The following ZFP91 variants were observed in gnomAD, a reference collection of about 807,000 sequenced individuals.
ZFP91 encodes E3 ubiquitin-protein ligase ZFP91.
ZFP91 carries 7 observed loss-of-function variants against 63.5 expected under a neutral mutation model. That is an observed-to-expected ratio of 0.11 (90% CI 0.06 to 0.21). The LOEUF is 0.21. ZFP91 is among the 10% of genes least tolerant of loss of function. ZFP91 has a pLI of 1.00. For missense variants in ZFP91, 628 were observed against 736.6 expected (o/e 0.85, Z 1.71); for synonymous variants, 330 against 272.1 (o/e 1.21, Z -2.10).
intron 1 of ZFP91, among the ~76,000 whole-genome samples, chr11:58,584,528 C>T (rs1196461567): frequency 1.3e-5 from 2 of 152,048 alleles, no homozygotes; most frequent in African/African-American, 4.8e-5. Flanking sequence ...TTCTTTGTAT[C>T]AATATCTTAG....
intron 2 of ZFP91, among the ~76,000 whole-genome samples, chr11:58,597,299 T>C (rs540474904): frequency 6.6e-6 from 1 of 152,298 alleles, no homozygotes; most frequent in Admixed American, 6.5e-5. Flanking sequence ...TAGCCTATCC[T>C]TTCCTGCTTT....
intron 2 of ZFP91, among the ~76,000 whole-genome samples, chr11:58,587,239 A>G (rs1855226675): frequency 6.6e-6 from 1 of 152,186 alleles, no homozygotes; most frequent in South Asian, 2.1e-4. Flanking sequence ...CTATGCTAAA[A>G]TAGTGTTAAT....
intron 2 of ZFP91, among the ~76,000 whole-genome samples, chr11:58,595,117 A>G (rs1855374780): frequency 6.6e-6 from 1 of 152,176 alleles, no homozygotes; most frequent in African/African-American, 2.4e-5. Flanking sequence ...CAGTTCCCTC[A>G]GCAGCTTTTA....
chr11:58,594,824 T>A (rs1855369606), intron 2 of ZFP91, among the ~76,000 whole-genome samples: 1 of 152,260 alleles, frequency 6.6e-6, no homozygotes, highest in Non-Finnish European at 1.5e-5. Context: ...TCATTTATTT[T>A]CCGGTTTTTA....
intron 1 of ZFP91, among the ~76,000 whole-genome samples, chr11:58,581,133 T>TG (rs911300269): frequency 6.6e-6 from 1 of 152,200 alleles, no homozygotes; most frequent in Middle Eastern, 3.2e-3. Context: ...AAGTACAAGT[T>TG]GCGTTTTTCA....
chr11:58,593,812 A>T (rs1855349561), intron 2 of ZFP91, among the ~76,000 whole-genome samples: 1 of 152,184 alleles, frequency 6.6e-6, no homozygotes, highest in South Asian at 2.1e-4. Flanking sequence ...CTTTGTTTTC[A>T]TCATCAGTCC....
Position 58,579,349 on chromosome 11 carries a change from A to C in ZFP91, c.68A>C (p.Lys23Thr). Residue 23 changes from lysine (K) to threonine (T), a missense_variant, in exon 1 of 11, where the codon AAG (lysine) becomes ACG (threonine). Around this residue, in one of 3 missense-constraint regions of ZFP91, gnomAD observed 437 missense variants for 380.3 expected, o/e 1.15. Coordinates refer to ENST00000316059, the MANE Select transcript of ZFP91 (RefSeq NM_053023.5). ...QQDQEGGEAAKAAPEEPQQRP... is the reference protein window; with the variant it reads ...QQDQEGGEAATAAPEEPQQRP... ...GACCAGGAAGGGGGAGAGGCGGCCA[A>C]GGCGGCTCCGGAGGAGCCCCAACAA... 1.3e-6 allele frequency: 2 copies of C among 1,494,608 alleles called. No homozygotes were observed. The highest frequency in any genetic ancestry group is 1.8e-6 in the Non-Finnish European group (2 of 1,126,652). The allele number at this position is 1,494,608 out of a possible 1,614,324, so 92.6% of individuals were successfully genotyped here. A position where few individuals can be genotyped will look rare whatever the true frequency, so the allele number is the denominator to read the frequency against.
chr11:58,612,454 T>A, intron 7 of ZFP91, 126 bp downstream of exon 7: 1 of 871,880 alleles, frequency 1.1e-6, no homozygotes, highest in South Asian at 1.7e-5. Context: ...GCAACTTCAC[T>A]AATGTCCTAG....
intron 5 of ZFP91, 53 bp from the exon 6 acceptor site, chr11:58,611,551 G>C: frequency 1.3e-6 from 2 of 1,576,730 alleles, no homozygotes; most frequent in Non-Finnish European, 1.7e-6. Context: ...TGTTGTCATA[G>C]TCTTCCTTGA....
chr11:58,595,572 C>CT lies in ZFP91; in HGVS notation c.370+10705dup, dbSNP rs34767843. Among the ~76,000 whole-genome samples, 406 of 136,766 alleles carry CT rather than the reference C, an allele frequency of 3.0e-3. 4 individuals carry two copies. The East Asian group carries it at 0.032, about 11-fold the overall frequency. The allele number at this position is 136,766 out of a possible 152,430, so 89.7% of individuals were successfully genotyped here. A position where few individuals can be genotyped will look rare whatever the true frequency, so the allele number is the denominator to read the frequency against. On this transcript the variant is annotated intron_variant, in intron 2 of 10. Coordinates refer to ENST00000316059, the MANE Select transcript of ZFP91 (RefSeq NM_053023.5). The stretch of plus-strand genomic sequence containing the variant: ...AAACATTCCTGCCAGTAGTATCAAT[C>CT]TTTTTTTTTTTTTTTTTGGTTTTGA...
intron 2 of ZFP91, among the ~76,000 whole-genome samples, chr11:58,607,970 G>T (rs539590812): frequency 6.6e-6 from 1 of 151,750 alleles, no homozygotes; most frequent in Non-Finnish European, 1.5e-5. Flanking sequence ...ATACTTAAAG[G>T]TGAAATTACT....
At chr11:58,595,811 A>G (rs1217679257) in intron 2 of ZFP91, among the ~76,000 whole-genome samples, 1 of 152,090 alleles carries the variant, frequency 6.6e-6, no homozygotes, top group African/African-American at 2.4e-5. Flanking sequence ...TCCTGACCTC[A>G]AGTGACCTAC....
rs1855774805 is a variant in ZFP91, at chr11:58,617,779, C to T, written c.*73C>T. ...AAGTTAAAAAGGACAAAAAAAAAAT[C>T]TAAAGCATTTAAAATCTAGTGAAAT... is the stretch of plus-strand genomic sequence containing the variant. On this transcript the variant is annotated 3_prime_UTR_variant, in exon 11 of 11. Transcript: ENST00000316059. The surrounding 1 kb of genome is among the most constrained non-coding windows in gnomAD (Gnocchi z 4.2). 1.4e-6 allele frequency: 2 copies of T among 1,437,636 alleles called. No homozygotes were observed. The highest frequency in any genetic ancestry group is 1.8e-6 in the Non-Finnish European group (2 of 1,100,644). 89.1% of individuals were successfully genotyped at this position (1,437,636 alleles called of 1,614,324 possible). A position where few individuals can be genotyped will look rare whatever the true frequency, so the allele number is the denominator to read the frequency against.
intron 2 of ZFP91, among the ~76,000 whole-genome samples, chr11:58,596,489 A>G (rs182304309): frequency 6.6e-6 from 1 of 152,188 alleles, no homozygotes; most frequent in African/African-American, 2.4e-5. Flanking sequence ...GAATAATTGG[A>G]ACCTTTCTGC....
At chr11:58,593,927 A>G (rs1855351796) in intron 2 of ZFP91, among the ~76,000 whole-genome samples, 1 of 152,302 alleles carries the variant, frequency 6.6e-6, no homozygotes, top group East Asian at 1.9e-4. Context: ...AGTATTTCTT[A>G]TATCTCTAAT....
chr11:58,612,893 C>G, intron 8 of ZFP91, 53 bp downstream of exon 8: 1 of 1,477,948 alleles, frequency 6.8e-7, no homozygotes, highest in Non-Finnish European at 9.3e-7. Context: ...ATTACTTGTT[C>G]TTGCACCACG....
chr11:58,602,162 A>T (rs536689814), intron 2 of ZFP91, among the ~76,000 whole-genome samples: 2 of 152,302 alleles, frequency 1.3e-5, no homozygotes, highest in East Asian at 3.9e-4. Flanking sequence ...ACCTCAGGTG[A>T]TCTGCCTGCC....
chr11:58,612,477 T>TA (rs1291033360), intron 7 of ZFP91, 149 bp downstream of exon 7: 2 of 712,976 alleles, frequency 2.8e-6, no homozygotes, highest in East Asian at 2.7e-5. Flanking sequence ...GCACAGGTGT[T>TA]ATGATCTTAT....
chr11:58,589,248 A>AT (rs1256740434), intron 2 of ZFP91, among the ~76,000 whole-genome samples: 2 of 151,572 alleles, frequency 1.3e-5, no homozygotes, highest in Non-Finnish European at 1.5e-5. Flanking sequence ...ATTGTTTTTG[A>AT]TTTTTTTGTA....
Sources: allele counts gnomAD v4.1 joint callset (sites outside exome capture counted in the v4.1 genomes callset), GRCh38; gene constraint gnomAD v4.1.1; regional missense constraint gnomAD v4.1.1; non-coding constraint Gnocchi (gnomAD v3.1); transcripts MANE v1.5; gene names NCBI Gene and HGNC (gene_info 2026-07-23, HGNC 2026-07-21).